Variants in EFCAB6 observed in about 807,000 individuals in gnomAD.
The protein encoded by EFCAB6 is EF-hand calcium-binding domain-containing protein 6.
A neutral mutation model predicts 169.8 loss-of-function variants in EFCAB6; 156 were observed. The observed-to-expected ratio is 0.92, with a 90% CI of 0.81 to 1.05. EFCAB6 has a LOEUF of 1.05. Among genes scored for constraint, EFCAB6 ranks in the 50% least tolerant of loss-of-function variants. The pLI is 0.00. For synonymous variants in EFCAB6, 698 were observed against 676.4 expected (o/e 1.03, Z -0.50); for missense variants, 1,800 against 1,829.1 (o/e 0.98, Z 0.29).
Position 43,687,528 on chromosome 22 carries a change from A to C in EFCAB6, c.1085T>G (p.Phe362Cys). The C allele has an allele frequency of 6.2e-7, 1 of 1,607,060 alleles. No individual in the cohort carries two copies. The highest frequency in any genetic ancestry group is 8.5e-7 in the Non-Finnish European group (1 of 1,177,616). ...KINWKQFLTSFHEPQGLQVSS... is the reference protein window; with the variant it reads ...KINWKQFLTSCHEPQGLQVSS... ...AACTTGCAACCCCTGAGGCTCATGA[A>C]ATGATGTTAGAAATTGCTTCCAATT... Residue 362 changes from phenylalanine (F) to cysteine (C), a missense_variant, in exon 11 of 32, where the codon TTT (phenylalanine) becomes TGT (cysteine). Physicochemically the swap from Phe to Cys is radical, Grantham distance 205 (BLOSUM62 -2). Transcript: ENST00000262726.
At chr22:43,772,257 C>T (rs1425296305) in intron 4 of EFCAB6, among the ~76,000 whole-genome samples, 1 of 152,148 alleles carries the variant, frequency 6.6e-6, no homozygotes, top group Non-Finnish European at 1.5e-5. Flanking sequence ...GCCAATGCTC[C>T]GTAACTATTT....
chr22:43,538,749 G>T (rs1158642263), intron 28 of EFCAB6, among the ~76,000 whole-genome samples: 1 of 152,100 alleles, frequency 6.6e-6, no homozygotes, highest in Non-Finnish European at 1.5e-5. Flanking sequence ...ATAAGCAAAG[G>T]CTCCATACCC....
chr22:43,670,396 C>G (rs2057437009), intron 15 of EFCAB6, among the ~76,000 whole-genome samples: 1 of 152,158 alleles, frequency 6.6e-6, no homozygotes, highest in African/African-American at 2.4e-5. Context: ...CTTTGCTCTG[C>G]CTCAGTTTCC....
At chr22:43,617,993 T>G (rs1332335773) in intron 20 of EFCAB6, among the ~76,000 whole-genome samples, 1 of 150,624 alleles carries the variant, frequency 6.6e-6, no homozygotes, top group Non-Finnish European at 1.5e-5. Context: ...TCCCAGCTAC[T>G]TGGGAGACTG....
intron 23 of EFCAB6, among the ~76,000 whole-genome samples, chr22:43,597,645 T>C (rs2052119208): frequency 6.6e-6 from 1 of 152,186 alleles, no homozygotes; most frequent in South Asian, 2.1e-4. Context: ...CTGTTGGTGG[T>C]AATGTACAGT....
At chr22:43,654,833 T>A (rs1192329862) in intron 17 of EFCAB6, among the ~76,000 whole-genome samples, 1 of 152,222 alleles carries the variant, frequency 6.6e-6, no homozygotes, top group Non-Finnish European at 1.5e-5. Flanking sequence ...GGGAGGTCTT[T>A]AGGCAGAATT....
chr22:43,722,817 T>C (rs1320198830), intron 8 of EFCAB6, among the ~76,000 whole-genome samples: 2 of 152,238 alleles, frequency 1.3e-5, no homozygotes, highest in East Asian at 1.9e-4. Context: ...TGCCCATCAG[T>C]GGTGGACTGG....
At chr22:43,571,998 G>A (rs1363693728) in intron 26 of EFCAB6, among the ~76,000 whole-genome samples, 1 of 152,146 alleles carries the variant, frequency 6.6e-6, no homozygotes, top group African/African-American at 2.4e-5. Flanking sequence ...CAATTTAGGG[G>A]GTTGATCCCA....
At position 43,772,994 on chromosome 22, in the gene EFCAB6, A is replaced by G. The variant is rs1486159615; in HGVS notation, c.249T>C (p.Asp83=). The G allele has an allele frequency of 1.2e-6, 2 of 1,614,248 alleles. No homozygotes were observed. Among genetic ancestry groups the G allele is most frequent in the Non-Finnish European group, 8.5e-7 (1 of 1,180,044 alleles). The change falls in exon 4 of 32, where the codon GAT becomes GAC. Residue 83 remains aspartate (D), a synonymous_variant. Transcript: ENST00000262726. Reference sequence around the variant, plus strand: ...TTGACACAGTCAAGTTCTGACCAGTATCCAGCAGCTGAAAGGCTTTTTGCA... The same window carrying G: ...TTGACACAGTCAAGTTCTGACCAGTGTCCAGCAGCTGAAAGGCTTTTTGCA... ...DELQKAFQLL[D]TGQNLTVSKS... is the part of the protein sequence containing the mutation.
intron 31 of EFCAB6, among the ~76,000 whole-genome samples, chr22:43,529,237 A>C (rs2046915521): frequency 6.6e-6 from 1 of 152,190 alleles, no homozygotes; most frequent in Non-Finnish European, 1.5e-5. Flanking sequence ...TGAGGGGCTG[A>C]AGGCTGGTCA....
chr22:43,555,139 C>A, intron 26 of EFCAB6, 43 bp from the exon 27 acceptor site: 1 of 1,602,554 alleles, frequency 6.2e-7, no homozygotes, highest in South Asian at 1.1e-5. Context: ...GAGAAATAAT[C>A]GACCACCTCT....
intron 26 of EFCAB6, among the ~76,000 whole-genome samples, chr22:43,564,914 C>T (rs532288135): frequency 1.3e-4 from 20 of 152,304 alleles, no homozygotes; most frequent in African/African-American, 4.8e-4. Context: ...AGCCGCAGAG[C>T]TGGAGAGGCA....
intron 20 of EFCAB6, among the ~76,000 whole-genome samples, chr22:43,621,985 G>A (rs940043517): frequency 6.6e-6 from 1 of 152,196 alleles, no homozygotes; most frequent in African/African-American, 2.4e-5. Flanking sequence ...CACTTGAGAT[G>A]AAATAGAAAC....
intron 27 of EFCAB6, among the ~76,000 whole-genome samples, chr22:43,542,961 A>C (rs946222603): frequency 6.6e-6 from 1 of 152,150 alleles, no homozygotes; most frequent in African/African-American, 2.4e-5. Flanking sequence ...CGTCTCCTTG[A>C]GCCACCAGCT....
intron 27 of EFCAB6, among the ~76,000 whole-genome samples, chr22:43,548,539 CAAAAAAAAAA>C (rs397868076): frequency 5.4e-5 from 2 of 36,726 alleles, no homozygotes; most frequent in Admixed American, 5.0e-4. Context: ...GAATCCATCT[CAAAAAAAAAA>C]AAAAAAAAAA....
chr22:43,674,819 G>C (rs943958579), intron 13 of EFCAB6, among the ~76,000 whole-genome samples: 1 of 152,100 alleles, frequency 6.6e-6, no homozygotes, highest in African/African-American at 2.4e-5. Flanking sequence ...TAAATTATTT[G>C]CACCAGGTCA....
intron 10 of EFCAB6, among the ~76,000 whole-genome samples, chr22:43,698,360 A>T (rs1014745033): frequency 3.3e-5 from 5 of 152,180 alleles, no homozygotes; most frequent in African/African-American, 1.2e-4. Context: ...GTACATACAC[A>T]TCCCAGATTC....
chr22:43,686,764 C>A (rs965380866), intron 11 of EFCAB6, among the ~76,000 whole-genome samples: 31 of 152,170 alleles, frequency 2.0e-4, no homozygotes, highest in African/African-American at 7.5e-4. Context: ...GAGCACAGCA[C>A]TTTCAATGAA....
At position 43,746,440 on chromosome 22, in the gene EFCAB6, A is replaced by C. The variant is rs7285092; in HGVS notation, c.507+9326T>G. On this transcript the variant is annotated intron_variant, in intron 6 of 31. Coordinates refer to ENST00000262726, the MANE Select transcript of EFCAB6 (RefSeq NM_022785.4). The stretch of plus-strand genomic sequence containing the variant: ...CCTTGCAGCCAAGATGAAGAGGGAA[A>C]CTCGTGCTTATATAAAGTCCACAGG... Among the ~76,000 whole-genome samples the C allele has an allele frequency of 5.0e-3, 760 of 152,262 alleles. 4 individuals are homozygous for C. The highest frequency in any genetic ancestry group is 0.017 in the African/African-American group (722 of 41,558).
Sources: allele counts gnomAD v4.1 joint callset (sites outside exome capture counted in the v4.1 genomes callset), GRCh38; gene constraint gnomAD v4.1.1; transcripts MANE v1.5; gene names NCBI Gene and HGNC (gene_info 2026-07-23, HGNC 2026-07-21).